The following STRADA variants were observed in gnomAD, a reference collection of about 807,000 sequenced individuals.
STRADA encodes STE20 related adaptor alpha.
Under a neutral mutation model 55.0 loss-of-function variants are expected in STRADA, and 26 were observed. The observed-to-expected ratio is 0.47, with a 90% CI of 0.35 to 0.66. STRADA has a LOEUF of 0.66. STRADA is among the 30% of genes least tolerant of loss of function. The pLI, the probability that STRADA is intolerant of heterozygous loss-of-function variation, is 0.01. For missense variants in STRADA, 443 were observed against 549.7 expected (o/e 0.81, Z 1.94); for synonymous variants, 197 against 210.9 (o/e 0.93, Z 0.57).
intron 1 of STRADA, among the ~76,000 whole-genome samples, chr17:63,739,760 T>TTACGTATA: frequency 2.7e-5 from 3 of 110,630 alleles, no homozygotes; most frequent in Middle Eastern, 4.2e-3. Flanking sequence ...CATTATATAT[T>TTACGTATA]TATGTATATA....
chr17:63,720,236 G>A (rs977163121), intron 4 of STRADA, among the ~76,000 whole-genome samples: 1 of 151,392 alleles, frequency 6.6e-6, no homozygotes, highest in Non-Finnish European at 1.5e-5. Context: ...GTGCAATGGC[G>A]CTATCCTAGC....
At chr17:63,723,556 C>T in intron 3 of STRADA, 1 of 554,228 alleles carries the variant, frequency 1.8e-6, no homozygotes, top group Non-Finnish European at 3.2e-6. Context: ...CAAAAGGTGG[C>T]AAGGCTACTA....
chr17:63,719,486 CT>C lies in STRADA; in HGVS notation c.123+3811del, dbSNP rs1342178523. 4.3e-3 allele frequency among the ~76,000 whole-genome samples: 615 copies of C among 144,462 alleles called. 1 individual carries two copies. The highest frequency in any genetic ancestry group is 0.011 in the Middle Eastern group (3 of 276). 94.8% of individuals were successfully genotyped at this position (144,462 alleles called of 152,430 possible). Reference sequence around the variant, plus strand: ...TTGGAGAAACCACAGATAGATACTACTTTTTTTTTTTTTTTGAGACAGAGTC... The same window carrying C: ...TTGGAGAAACCACAGATAGATACTACTTTTTTTTTTTTTTGAGACAGAGTC... On this transcript the variant is annotated intron_variant, in intron 4 of 12. Transcript: ENST00000336174.
At chr17:63,738,181 A>C (rs2038588522) in intron 1 of STRADA, among the ~76,000 whole-genome samples, 1 of 151,618 alleles carries the variant, frequency 6.6e-6, no homozygotes, top group Non-Finnish European at 1.5e-5. Flanking sequence ...TCTCTACTAA[A>C]AATACAAAAA....
intron 4 of STRADA, among the ~76,000 whole-genome samples, chr17:63,716,412 A>T (rs1167734935): frequency 6.6e-6 from 1 of 151,998 alleles, no homozygotes; most frequent in East Asian, 1.9e-4. Flanking sequence ...GTTCTTATTA[A>T]TTTATCTTTT....
intron 4 of STRADA, among the ~76,000 whole-genome samples, chr17:63,717,368 C>T (rs2036962926): frequency 6.6e-6 from 1 of 152,104 alleles, no homozygotes; most frequent in African/African-American, 2.4e-5. Flanking sequence ...AGTGCAATGG[C>T]GTGATCTCAG....
Position 63,706,661 on chromosome 17 carries a change from G to T in STRADA, c.832C>A (p.Pro278Thr). 1 of 1,613,942 alleles carries T rather than the reference G, an allele frequency of 6.2e-7. No homozygotes were observed. Among genetic ancestry groups the T allele is most frequent in the Non-Finnish European group, 8.5e-7 (1 of 1,179,842 alleles). Residue 278 changes from proline (P) to threonine (T), a missense_variant, in exon 10 of 13, where the codon CCC becomes ACC. Transcript: ENST00000336174. ...TACELANGHV[P>T]FKDMPATQML... is the part of the protein sequence containing the mutation. ...TGGGTGGCAGGCATATCCTTAAAGG[G>T]GACATGGCCGTTGGCCAGTTCACAG...
At chr17:63,732,590 G>T (rs1293473079) in intron 1 of STRADA, among the ~76,000 whole-genome samples, 1 of 152,180 alleles carries the variant, frequency 6.6e-6, no homozygotes, top group Non-Finnish European at 1.5e-5. Flanking sequence ...GAGCTCAGGA[G>T]TTCAAGACCA....
chr17:63,734,923 C>A (rs372183049), intron 1 of STRADA, among the ~76,000 whole-genome samples: 74 of 152,232 alleles, frequency 4.9e-4, no homozygotes, highest in Middle Eastern at 3.4e-3. Context: ...TTTGGGAGGC[C>A]AAGGCAGGTG....
intron 4 of STRADA, among the ~76,000 whole-genome samples, chr17:63,717,478 TA>T (rs1285682285): frequency 1.4e-5 from 2 of 145,134 alleles, no homozygotes; most frequent in African/African-American, 5.5e-5. Context: ...CGGCTAAGTT[TA>T]TTTATTTATT....
chr17:63,721,193 G>A (rs984446197), intron 4 of STRADA, among the ~76,000 whole-genome samples: 1 of 151,344 alleles, frequency 6.6e-6, no homozygotes, highest in Non-Finnish European at 1.5e-5. Context: ...ACAACATGGT[G>A]AAACTCCGTC....
chr17:63,713,688 T>C (rs1039658435), intron 5 of STRADA, among the ~76,000 whole-genome samples, 161 bp from the exon 6 acceptor site: 4 of 152,172 alleles, frequency 2.6e-5, no homozygotes, highest in African/African-American at 9.7e-5. Flanking sequence ...AATTTAACTG[T>C]TATGTTCATG....
At chr17:63,724,520 C>T (rs1189727205) in intron 3 of STRADA, among the ~76,000 whole-genome samples, 3 of 152,018 alleles carry the variant, frequency 2.0e-5, no homozygotes, top group South Asian at 2.1e-4. Flanking sequence ...TGGCAATTCT[C>T]CTGCCTCAGC....
At chr17:63,710,032 CT>C (rs199783375) in intron 8 of STRADA, among the ~76,000 whole-genome samples, 2,418 of 132,240 alleles carry the variant, frequency 0.018, 59 homozygotes, top group African/African-American at 0.06. Flanking sequence ...ATCCTTCTCT[CT>C]TTTTTTTTTT....
chr17:63,725,605 G>A, intron 3 of STRADA: 1 of 152,294 alleles, frequency 6.6e-6, no homozygotes, highest in Non-Finnish European at 1.5e-5. Context: ...GCCTGCCTCG[G>A]CCTCCCAAAG....
At chr17:63,705,077 G>T in intron 10 of STRADA, 2 of 695,276 alleles carry the variant, frequency 2.9e-6, no homozygotes, top group Non-Finnish European at 5.0e-6. Flanking sequence ...AGGCTGGGTG[G>T]CTGTTCCAAA....
At chr17:63,733,082 G>T (rs981399819) in intron 1 of STRADA, among the ~76,000 whole-genome samples, 3 of 152,154 alleles carry the variant, frequency 2.0e-5, no homozygotes, top group African/African-American at 7.2e-5. Flanking sequence ...TAGAGACAGG[G>T]TTTTACCATG....
intron 1 of STRADA, among the ~76,000 whole-genome samples, chr17:63,740,131 C>T (rs1472703925): frequency 6.5e-4 from 30 of 46,478 alleles, no homozygotes; most frequent in East Asian, 1.5e-3. Flanking sequence ...TATATATACA[C>T]ATACATATAT....
intron 10 of STRADA, chr17:63,705,130 T>G (rs1294255988): frequency 6.6e-6 from 4 of 604,118 alleles, no homozygotes; most frequent in Non-Finnish European, 1.2e-5. Context: ...CACCTGGGAC[T>G]GCTGTCCTCG....
Sources: gnomAD v4.1 joint callset for allele counts (sites outside exome capture counted in the v4.1 genomes callset) on GRCh38, gnomAD v4.1.1 for gene constraint, MANE v1.5 for transcripts, NCBI Gene and HGNC (gene_info 2026-07-23, HGNC 2026-07-21) for gene names.